Variants in ACOXL observed in about 807,000 individuals in gnomAD.
ACOXL encodes the protein acyl-CoA oxidase like.
In ACOXL, 70 loss-of-function variants were observed where a neutral mutation model predicts 71.9. That is an observed-to-expected ratio of 0.97 (90% CI 0.80 to 1.19). The LOEUF is 1.19. Among genes scored for constraint, ACOXL ranks in the 50% most tolerant of loss-of-function variants. ACOXL has a pLI of 0.00. For missense variants in ACOXL, 703 were observed against 736.3 expected (o/e 0.95, Z 0.52); for synonymous variants, 253 against 281.6 (o/e 0.90, Z 1.02).
intron 12 of ACOXL, among the ~76,000 whole-genome samples, chr2:110,962,067 C>T (rs1441817932): frequency 6.6e-6 from 1 of 152,220 alleles, no homozygotes; most frequent in Non-Finnish European, 1.5e-5. Context: ...ACAGATGATT[C>T]AAGAACATTC....
At chr2:110,785,925 A>T (rs1160593155) in intron 3 of ACOXL, among the ~76,000 whole-genome samples, 1 of 152,214 alleles carries the variant, frequency 6.6e-6, no homozygotes, top group African/African-American at 2.4e-5. Context: ...ATCCTCTTCC[A>T]TACTTGGAAT....
At chr2:110,906,561 A>G (rs1470675288) in intron 10 of ACOXL, among the ~76,000 whole-genome samples, 2 of 134,300 alleles carry the variant, frequency 1.5e-5, no homozygotes, top group Admixed American at 1.5e-4. Flanking sequence ...AAAAAATTGT[A>G]TTATTATCGT....
rs369158757 is a variant in ACOXL, at chr2:110,972,848, C to T, written c.1060-14260C>T. 3.7e-4 allele frequency among the ~76,000 whole-genome samples: 57 copies of T among 152,336 alleles called. 1 individual carries two copies. In the South Asian group the frequency reaches 4.6e-3, roughly 12 times the overall value. ...GTTTACCAGGGAAGCTCAGCAGAGA[C>T]TCCGTGTCCATGGTTTTTATTGGGG... On this transcript the variant is annotated intron_variant, in intron 12 of 17. Transcript: ENST00000439055.
intron 13 of ACOXL, 24 bp downstream of exon 13, chr2:110,987,241 C>A: frequency 1.3e-6 from 2 of 1,547,816 alleles, no homozygotes; most frequent in Non-Finnish European, 1.8e-6. Context: ...AGGCCATCAT[C>A]ATCTGCCTTC....
At chr2:111,046,213 C>G (rs1352483059) in intron 15 of ACOXL, among the ~76,000 whole-genome samples, 2 of 152,236 alleles carry the variant, frequency 1.3e-5, no homozygotes, top group African/African-American at 4.8e-5. Context: ...CACACCTGCT[C>G]CAGCAAGTGG....
intron 2 of ACOXL, among the ~76,000 whole-genome samples, chr2:110,769,719 C>G (rs1274508766): frequency 6.6e-6 from 1 of 152,146 alleles, no homozygotes; most frequent in Non-Finnish European, 1.5e-5. Context: ...CCTGTAGTCC[C>G]AGCTACTTGG....
chr2:111,056,750 T>G (rs1044275176), intron 16 of ACOXL, among the ~76,000 whole-genome samples: 1 of 140,616 alleles, frequency 7.1e-6, no homozygotes, highest in African/African-American at 2.7e-5. Context: ...ATCGCACCAC[T>G]GCACTTCAGC....
At chr2:111,109,114 T>C (rs1219296235) in intron 17 of ACOXL, among the ~76,000 whole-genome samples, 1 of 152,194 alleles carries the variant, frequency 6.6e-6, no homozygotes, top group African/African-American at 2.4e-5. Context: ...CCATAGGTAT[T>C]AAGGTGCAGT....
At chr2:110,760,354 C>G (rs1680236970) in intron 1 of ACOXL, among the ~76,000 whole-genome samples, 2 of 152,128 alleles carry the variant, frequency 1.3e-5, no homozygotes, top group African/African-American at 4.8e-5. Context: ...CCGTGTTAGA[C>G]AGGATGGTCT....
intron 10 of ACOXL, among the ~76,000 whole-genome samples, chr2:110,870,901 G>A (rs1051334754): frequency 1.3e-5 from 2 of 152,138 alleles, no homozygotes; most frequent in African/African-American, 4.8e-5. Context: ...TTTGAATGAG[G>A]TCAAAGTAGT....
intron 12 of ACOXL, among the ~76,000 whole-genome samples, chr2:110,950,388 G>C (rs1224600766): frequency 2.6e-5 from 4 of 152,150 alleles, no homozygotes; most frequent in African/African-American, 9.7e-5. Flanking sequence ...AAATGACCCA[G>C]GGATAATCCA....
intron 11 of ACOXL, among the ~76,000 whole-genome samples, chr2:110,924,489 A>G (rs2060198480): frequency 1.3e-5 from 2 of 152,200 alleles, no homozygotes; most frequent in African/African-American, 4.8e-5. Flanking sequence ...TTAAATCCTC[A>G]CTTGTTATTT....
intron 10 of ACOXL, among the ~76,000 whole-genome samples, chr2:110,884,453 T>A (rs182024321): frequency 6.6e-6 from 1 of 152,314 alleles, no homozygotes; most frequent in Admixed American, 6.5e-5. Context: ...TTACTCAATA[T>A]AATACTTTTA....
chr2:110,888,690 T>A (rs554794554), intron 10 of ACOXL, among the ~76,000 whole-genome samples: 1 of 152,362 alleles, frequency 6.6e-6, no homozygotes, highest in Non-Finnish European at 1.5e-5. Context: ...TAAATCCTTC[T>A]ACTTTCCCAT....
chr2:111,057,785 G>A (rs1287210318), intron 16 of ACOXL, among the ~76,000 whole-genome samples: 2 of 152,244 alleles, frequency 1.3e-5, no homozygotes, highest in South Asian at 2.1e-4. Context: ...GCATATGAGC[G>A]CACAGATGGC....
chr2:111,095,540 G>A (rs760372802), intron 17 of ACOXL, among the ~76,000 whole-genome samples: 6 of 151,778 alleles, frequency 4.0e-5, no homozygotes, highest in African/African-American at 9.7e-5. Context: ...ATAGGCACCC[G>A]CCACCATGCC....
chr2:110,926,473 T>C (rs2060274258), intron 11 of ACOXL, among the ~76,000 whole-genome samples: 1 of 152,076 alleles, frequency 6.6e-6, no homozygotes, highest in Admixed American at 6.5e-5. Flanking sequence ...ACTTTGAGGG[T>C]CCTAATCCTG....
At chr2:110,846,499 A>C (rs1559337826) in intron 10 of ACOXL, among the ~76,000 whole-genome samples, 1 of 152,140 alleles carries the variant, frequency 6.6e-6, no homozygotes, top group South Asian at 2.1e-4. Flanking sequence ...GTGGCAACAG[A>C]GGACTTGAGG....
intron 15 of ACOXL, among the ~76,000 whole-genome samples, chr2:111,041,247 C>G (rs752833): frequency 0.18 from 27,971 of 152,078 alleles, 2,999 homozygotes; most frequent in African/African-American, 0.29. Flanking sequence ...ACATCCAGGT[C>G]CTGAGCCTGA....
Sources: gnomAD v4.1 joint callset for allele counts (sites outside exome capture counted in the v4.1 genomes callset) on GRCh38, gnomAD v4.1.1 for gene constraint, MANE v1.5 for transcripts, NCBI Gene and HGNC (gene_info 2026-07-23, HGNC 2026-07-21) for gene names.